SMKR1: variants seen among roughly 807,000 people sequenced by gnomAD.
SMKR1 encodes the protein small lysine rich protein 1.
In SMKR1, 4 loss-of-function variants were observed where a neutral mutation model predicts 4.0. That is an observed-to-expected ratio of 1.00 (90% CI 0.49 to 2.30). The LOEUF is 2.30. Among genes scored for constraint, SMKR1 ranks in the 30% most tolerant of loss-of-function variants. The pLI, the probability that SMKR1 is intolerant of heterozygous loss-of-function variation, is 0.02. For synonymous variants in SMKR1, 38 were observed against 32.5 expected (o/e 1.17, Z -0.58); for missense variants, 56 against 81.8 (o/e 0.68, Z 1.22).
intron 1 of SMKR1, among the ~76,000 whole-genome samples, chr7:129,503,481 T>C (rs1799432818): frequency 6.6e-6 from 1 of 152,226 alleles, no homozygotes; most frequent in Admixed American, 6.5e-5. Context: ...TCTTCTCTGC[T>C]AAACAACAAC....
At chr7:129,506,126 A>G (rs1799462440) in intron 1 of SMKR1, among the ~76,000 whole-genome samples, 2 of 152,222 alleles carry the variant, frequency 1.3e-5, no homozygotes, top group Non-Finnish European at 2.9e-5. Context: ...TGGAATGTAT[A>G]TACAATAAAT....
At position 129,512,360 on chromosome 7, in the gene SMKR1, C is replaced by A; in HGVS notation, c.117C>A (p.Ala39=). The change falls in exon 2 of 2, where the codon GCC becomes GCA. Residue 39 remains alanine (A), a synonymous_variant. Coordinates refer to ENST00000462322, the MANE Select transcript of SMKR1 (RefSeq NM_001195243.2). ...CCATGCTGAACCTCTACTACATCGC[C>A]CACAACGTCGCTGACTGCCTGCATC... ...PAAMLNLYYI[A]HNVADCLHLR... 6.5e-7 allele frequency: 1 copy of A among 1,536,066 alleles called. No individual in the cohort carries two copies. The highest frequency in any genetic ancestry group is 1.2e-5 in the South Asian group (1 of 84,050).
chr7:129,510,824 G>A (rs945143831), intron 1 of SMKR1, among the ~76,000 whole-genome samples: 1 of 151,952 alleles, frequency 6.6e-6, no homozygotes. Context: ...GGGGAGGCGG[G>A]GGGAGGCAGA....
chr7:129,509,760 C>T (rs758999400), intron 1 of SMKR1, among the ~76,000 whole-genome samples: 1 of 152,122 alleles, frequency 6.6e-6, no homozygotes, highest in Non-Finnish European at 1.5e-5. Flanking sequence ...AGGCTGATCT[C>T]GAACTCCTGA....
At chr7:129,507,108 T>C (rs1179011285) in intron 1 of SMKR1, among the ~76,000 whole-genome samples, 1 of 151,842 alleles carries the variant, frequency 6.6e-6, no homozygotes, top group Non-Finnish European at 1.5e-5. Context: ...CTCCGCCTCC[T>C]GGGTTCACAC....
chr7:129,505,877 G>A (rs925678862), intron 1 of SMKR1, among the ~76,000 whole-genome samples: 4 of 152,190 alleles, frequency 2.6e-5, no homozygotes, highest in African/African-American at 9.7e-5. Context: ...TGCAGGAAGA[G>A]CAAGCATTGC....
intron 1 of SMKR1, among the ~76,000 whole-genome samples, chr7:129,503,847 T>TG (rs398006257): frequency 1.3e-5 from 2 of 150,634 alleles, no homozygotes; most frequent in African/African-American, 4.9e-5. Context: ...TTTTTTTTTT[T>TG]GACAGGGTCT....
intron 1 of SMKR1, among the ~76,000 whole-genome samples, chr7:129,507,572 T>C (rs533333326): frequency 1.3e-5 from 2 of 152,320 alleles, no homozygotes; most frequent in East Asian, 3.9e-4. Flanking sequence ...ATGGTAGACA[T>C]GTGTTTAACT....
intron 1 of SMKR1, among the ~76,000 whole-genome samples, chr7:129,506,088 T>C (rs1158318217): frequency 2.6e-5 from 4 of 152,224 alleles, no homozygotes; most frequent in African/African-American, 9.6e-5. Context: ...TATTCCCATG[T>C]AATAATTTCT....
chr7:129,512,330 C>T lies in SMKR1; in HGVS notation c.87C>T (p.Pro29=), dbSNP rs1054180116. The T allele has an allele frequency of 1.6e-5, 25 of 1,535,834 alleles. No individual in the cohort carries two copies. Among genetic ancestry groups the T allele is most frequent in the African/African-American group, 5.5e-5 (4 of 73,010 alleles). ...AACCAGAAGTGGACATTCTCAGCCCCGCGGCCATGCTGAACCTCTACTACA... is the reference window on the plus strand; with the variant it reads ...AACCAGAAGTGGACATTCTCAGCCCTGCGGCCATGCTGAACCTCTACTACA... ...QKKPEVDILS[P]AAMLNLYYIA... is the part of the protein sequence containing the mutation. Residue 29 remains proline (P), a synonymous_variant, in exon 2 of 2, where the codon CCC becomes CCT. Coordinates refer to ENST00000462322, the MANE Select transcript of SMKR1 (RefSeq NM_001195243.2).
intron 1 of SMKR1, among the ~76,000 whole-genome samples, chr7:129,508,743 C>T (rs1437144006): frequency 2.0e-5 from 3 of 152,132 alleles, no homozygotes; most frequent in Admixed American, 6.5e-5. Context: ...TGCACACAGC[C>T]GGTTCTTTTT....
intron 1 of SMKR1, among the ~76,000 whole-genome samples, chr7:129,510,392 G>A (rs189395824): frequency 1.5e-3 from 231 of 152,284 alleles, no homozygotes; most frequent in African/African-American, 5.5e-3. Flanking sequence ...CATTTTGAAG[G>A]CAGGAATAAT....
In SMKR1 at chr7:129,504,111, A is replaced by T. The variant is rs192544670; in HGVS notation, c.3+1284A>T. On this transcript the variant is annotated intron_variant, in intron 1 of 1. Transcript: ENST00000462322. ...TCAAATTGCTGGGATTACAGGTGTG[A>T]GCCACTGTGCCCAGCCAACTGCCAT... Among the ~76,000 whole-genome samples, 25 of 152,218 alleles carry T rather than the reference A, an allele frequency of 1.6e-4. No homozygotes were observed. The East Asian group carries it at 3.1e-3, about 19-fold the overall frequency.
At chr7:129,505,940 A>C (rs971273372) in intron 1 of SMKR1, among the ~76,000 whole-genome samples, 4 of 152,142 alleles carry the variant, frequency 2.6e-5, no homozygotes, top group Admixed American at 6.6e-5. Context: ...GTGTGGCTGG[A>C]GTCAAGTGGT....
At position 129,502,547 on chromosome 7, in the gene SMKR1, C is replaced by T. The variant is rs1799420580; in HGVS notation, c.-278C>T. 3.0e-6 allele frequency: 1 copy of T among 336,862 alleles called. No individual in the cohort carries two copies. 20.9% of individuals were successfully genotyped at this position (336,862 alleles called of 1,614,324 possible). On this transcript the variant is annotated 5_prime_UTR_variant, in exon 1 of 2. Coordinates refer to ENST00000462322, the MANE Select transcript of SMKR1 (RefSeq NM_001195243.2). The stretch of plus-strand genomic sequence containing the variant: ...CCCCGAGGCGCACGCCGGCCCAGCG[C>T]CCACAGCTGCGGCGGCCTAGGTGCC...
intron 1 of SMKR1, among the ~76,000 whole-genome samples, chr7:129,510,839 C>T (rs755276535): frequency 2.0e-5 from 3 of 151,852 alleles, no homozygotes; most frequent in African/African-American, 4.8e-5. Context: ...GGCAGAGTCT[C>T]GCTCTGTCCC....
chr7:129,511,076 C>T (rs960963436), intron 1 of SMKR1, among the ~76,000 whole-genome samples: 11 of 152,202 alleles, frequency 7.2e-5, no homozygotes, highest in African/African-American at 2.7e-4. Context: ...TTCCCAAGTG[C>T]TGGGATTACA....
chr7:129,505,266 G>A (rs921429807), intron 1 of SMKR1, among the ~76,000 whole-genome samples: 7 of 152,092 alleles, frequency 4.6e-5, no homozygotes, highest in African/African-American at 1.2e-4. Context: ...AAAGTGGTGC[G>A]GGGAAGGAGA....
At chr7:129,510,687 C>T (rs1225343497) in intron 1 of SMKR1, among the ~76,000 whole-genome samples, 2 of 152,122 alleles carry the variant, frequency 1.3e-5, no homozygotes, top group Non-Finnish European at 2.9e-5. Context: ...GAGTTTGTGC[C>T]ACTGCACTCC....
Sources: allele counts gnomAD v4.1 joint callset (sites outside exome capture counted in the v4.1 genomes callset), GRCh38; gene constraint gnomAD v4.1.1; transcripts MANE v1.5; gene names NCBI Gene and HGNC (gene_info 2026-07-23, HGNC 2026-07-21).